The following C5orf24 variants were observed in gnomAD, a reference collection of about 807,000 sequenced individuals.
The protein encoded by C5orf24 is chromosome 5 open reading frame 24.
Under a neutral mutation model 9.8 loss-of-function variants are expected in C5orf24, and 4 were observed. That is an observed-to-expected ratio of 0.41 (90% confidence interval 0.20 to 0.93). The LOEUF (loss-of-function observed/expected upper bound fraction) is 0.93, where lower values mean the gene tolerates loss of function less well. C5orf24 is among the 40% of genes least tolerant of loss of function. The pLI, the probability that C5orf24 is intolerant of heterozygous loss-of-function variation, is 0.33. For missense variants in C5orf24, 170 were observed against 236.9 expected (o/e 0.72, Z 1.85); for synonymous variants, 73 against 81.3 (o/e 0.90, Z 0.55).
chr5:134,843,151 A>G (rs115098022), upstream of C5orf24, among the ~76,000 whole-genome samples: 1,091 of 151,440 alleles, frequency 7.2e-3, 5 homozygotes, highest in Middle Eastern at 0.041. Flanking sequence ...TGATTTTTCT[A>G]TTTTTACTAG....
chr5:134,857,396 G>C lies in C5orf24; in HGVS notation c.*1929G>C. On this transcript the variant is annotated 3_prime_UTR_variant, in exon 2 of 2. Coordinates refer to ENST00000394976, the MANE Select transcript of C5orf24 (RefSeq NM_001135586.1). ...GCCTTCAGGTGTTCCAGTGATGCCT[G>C]ACACAATTGAGCTGGACTTTATGCT... is the stretch of plus-strand genomic sequence containing the variant. The C allele has an allele frequency of 1.3e-6, 2 of 1,548,598 alleles. No individual in the cohort carries two copies. Among genetic ancestry groups the C allele is most frequent in the Non-Finnish European group, 1.7e-6 (2 of 1,145,626 alleles).
chr5:134,839,475 C>T, the C5orf24 span, among the ~76,000 whole-genome samples: 1 of 152,114 alleles, frequency 6.6e-6, no homozygotes, highest in Non-Finnish European at 1.5e-5. Context: ...CAAAGCCTGC[C>T]TGTCTGGTAA....
the C5orf24 span, among the ~76,000 whole-genome samples, chr5:134,840,055 T>C: frequency 6.6e-5 from 10 of 152,104 alleles, no homozygotes; most frequent in African/African-American, 2.2e-4. Context: ...ACTCCTGTAA[T>C]CCCAGAAACT....
chr5:134,850,967 A>C (rs930867572), intron 1 of C5orf24, among the ~76,000 whole-genome samples: 8 of 150,008 alleles, frequency 5.3e-5, no homozygotes, highest in Admixed American at 2.0e-4. Flanking sequence ...ACACACACAT[A>C]CATATTTTAT....
chr5:134,857,045 G>C lies in C5orf24; in HGVS notation c.*1578G>C. On this transcript the variant is annotated 3_prime_UTR_variant, in exon 2 of 2. Transcript: ENST00000394976. ...AAAAAGTATTAGGTAGATATGTATA[G>C]TAGGGACAGAGGGAAATCTTTCTTC... 2 of 1,084,038 alleles carry C rather than the reference G, an allele frequency of 1.8e-6. No homozygotes were observed. Among genetic ancestry groups the C allele is most frequent in the Non-Finnish European group, 2.3e-6 (2 of 881,478 alleles). 67.2% of individuals were successfully genotyped at this position (1,084,038 alleles called of 1,614,324 possible).
At chr5:134,835,744 G>A in the C5orf24 span, among the ~76,000 whole-genome samples, 1 of 151,966 alleles carries the variant, frequency 6.6e-6, no homozygotes, top group African/African-American at 2.4e-5. Context: ...CCAGGCTGGA[G>A]TGCAGTGGCA....
chr5:134,838,393 G>A, the C5orf24 span, among the ~76,000 whole-genome samples: 14 of 152,162 alleles, frequency 9.2e-5, no homozygotes, highest in Non-Finnish European at 1.6e-4. Context: ...ACTCCCGGCC[G>A]GATGCGGTGG....
rs1433771887 is a variant in C5orf24 at position 134,856,534 on chromosome 5, G to C, written c.*1067G>C. ...CGGGCGCCTGTAATCCAAGCTACTG[G>C]GGAGGCTGAGGCAGGAGAATTGCTT... On this transcript the variant is annotated 3_prime_UTR_variant, in exon 2 of 2. Coordinates refer to ENST00000394976, the MANE Select transcript of C5orf24 (RefSeq NM_001135586.1). 3.4e-6 allele frequency: 1 copy of C among 293,682 alleles called. No homozygotes were observed. Among genetic ancestry groups the C allele is most frequent in the African/African-American group, 2.3e-5 (1 of 43,710 alleles). The allele number at this position is 293,682 out of a possible 1,614,324, so 18.2% of individuals were successfully genotyped here. A position where few individuals can be genotyped will look rare whatever the true frequency, so the allele number is the denominator to read the frequency against.
rs1756389959 is a variant in C5orf24 at position 134,859,363 on chromosome 5, C to A, written c.*3896C>A. Reference sequence around the variant, plus strand: ...ACTCTAGGATGTATCTGAATCTTTCCTTTTTTCCCCCCTCCTCCAAATATA... The same window carrying A: ...ACTCTAGGATGTATCTGAATCTTTCATTTTTTCCCCCCTCCTCCAAATATA... On this transcript the variant is annotated 3_prime_UTR_variant, in exon 2 of 2. Transcript: ENST00000394976. 1 of 166,750 alleles carries A rather than the reference C, an allele frequency of 6.0e-6. No individual in the cohort carries two copies. The allele number at this position is 166,750 out of a possible 1,614,324, so 10.3% of individuals were successfully genotyped here. A position where few individuals can be genotyped will look rare whatever the true frequency, so the allele number is the denominator to read the frequency against.
At chr5:134,839,810 C>T in the C5orf24 span, among the ~76,000 whole-genome samples, 1 of 151,810 alleles carries the variant, frequency 6.6e-6, no homozygotes, top group African/African-American at 2.4e-5. Context: ...GTGTCTGCCT[C>T]CTAAGTAGCT....
At chr5:134,840,279 C>T in the C5orf24 span, among the ~76,000 whole-genome samples, 2 of 142,454 alleles carry the variant, frequency 1.4e-5, no homozygotes, top group East Asian at 4.2e-4. Context: ...CCCACTACAG[C>T]CTGGCGACAG....
At chr5:134,844,420 C>T (rs1170540933), upstream of C5orf24, among the ~76,000 whole-genome samples, 2 of 152,066 alleles carry the variant, frequency 1.3e-5, no homozygotes, top group African/African-American at 4.8e-5. Flanking sequence ...CTTAAGGAAG[C>T]CTCAGTCTCC....
the C5orf24 span, among the ~76,000 whole-genome samples, chr5:134,839,691 CTTT>C: frequency 4.4e-5 from 6 of 135,326 alleles, no homozygotes; most frequent in Admixed American, 7.6e-5. Context: ...GTAACTTTAC[CTTT>C]TTTTTTTTTT....
chr5:134,858,197 T>C lies in C5orf24; in HGVS notation c.*2730T>C, dbSNP rs1178989251. Reference sequence around the variant, plus strand: ...TTTAGAAAGCCGAATTTACTGTTCATCTGAGCGGTTACCTGGAGTATTATA... The same window carrying C: ...TTTAGAAAGCCGAATTTACTGTTCACCTGAGCGGTTACCTGGAGTATTATA... On this transcript the variant is annotated 3_prime_UTR_variant, in exon 2 of 2. Coordinates refer to ENST00000394976, the MANE Select transcript of C5orf24 (RefSeq NM_001135586.1). 1 of 167,102 alleles carries C rather than the reference T, an allele frequency of 6.0e-6. No individual in the cohort carries two copies. The highest frequency in any genetic ancestry group is 6.5e-5 in the Admixed American group (1 of 15,278). 10.4% of individuals were successfully genotyped at this position (167,102 alleles called of 1,614,324 possible). A position where few individuals can be genotyped will look rare whatever the true frequency, so the allele number is the denominator to read the frequency against.
At chr5:134,833,841 CAT>C in the C5orf24 span, among the ~76,000 whole-genome samples, 1 of 152,158 alleles carries the variant, frequency 6.6e-6, no homozygotes, top group African/African-American at 2.4e-5. Context: ...TGTCAAGTTA[CAT>C]GACTGGTGAG....
chr5:134,851,595 A>T (rs999859668), intron 1 of C5orf24, among the ~76,000 whole-genome samples: 1 of 152,122 alleles, frequency 6.6e-6, no homozygotes, highest in Non-Finnish European at 1.5e-5. Flanking sequence ...CAACAAAATT[A>T]TCTGACCCAA....
chr5:134,848,265 C>G (rs1265348034), intron 1 of C5orf24, among the ~76,000 whole-genome samples: 1 of 151,914 alleles, frequency 6.6e-6, no homozygotes, highest in African/African-American at 2.4e-5. Flanking sequence ...GAGCCAAGAT[C>G]GGGCCACTGT....
At chr5:134,838,196 A>G in the C5orf24 span, among the ~76,000 whole-genome samples, 1 of 151,686 alleles carries the variant, frequency 6.6e-6, no homozygotes, top group Non-Finnish European at 1.5e-5. Context: ...TATAATCACT[A>G]TTTATCATTC....
In C5orf24 at chr5:134,856,274, A is replaced by T; in HGVS notation, c.*807A>T. 1 of 995,098 alleles carries T rather than the reference A, an allele frequency of 1.0e-6. No homozygotes were observed. Among genetic ancestry groups the T allele is most frequent in the East Asian group, 1.1e-4 (1 of 8,790 alleles). 61.6% of individuals were successfully genotyped at this position (995,098 alleles called of 1,614,324 possible). A position where few individuals can be genotyped will look rare whatever the true frequency, so the allele number is the denominator to read the frequency against. On this transcript the variant is annotated 3_prime_UTR_variant, in exon 2 of 2. Transcript: ENST00000394976. ...ATAGCATATTTCATATAATAGAAAA[A>T]GAAGCATTCTCTAGGTTTGCATGTA...
Sources: allele counts gnomAD v4.1 joint callset (sites outside exome capture counted in the v4.1 genomes callset), GRCh38; gene constraint gnomAD v4.1.1; transcripts MANE v1.5; gene names NCBI Gene and HGNC (gene_info 2026-07-23, HGNC 2026-07-21).